INTS10: variants seen among roughly 807,000 people sequenced by gnomAD.
INTS10 encodes integrator complex subunit 10.
Under a neutral mutation model 94.4 loss-of-function variants are expected in INTS10, and 44 were observed. The observed-to-expected ratio is 0.47, with a 90% CI of 0.37 to 0.60. The LOEUF (loss-of-function observed/expected upper bound fraction) is 0.60, where lower values mean the gene tolerates loss of function less well. Ranked by LOEUF, INTS10 falls within the 20% of genes least tolerant of loss-of-function variation. INTS10 has a pLI of 0.00. For missense variants in INTS10, 797 were observed against 868.7 expected (o/e 0.92, Z 1.04); for synonymous variants, 341 against 320.7 (o/e 1.06, Z -0.68).
chr8:19,830,354 T>G, intron 9 of INTS10, 52 bp from the exon 10 acceptor site: 1 of 1,520,230 alleles, frequency 6.6e-7, no homozygotes, highest in Non-Finnish European at 8.9e-7. Flanking sequence ...TGTTTCCATA[T>G]ATGACTATAT....
At chr8:19,823,812 G>C (rs2066579696) in intron 6 of INTS10, 61 bp from the exon 7 acceptor site, 1 of 1,366,892 alleles carries the variant, frequency 7.3e-7, no homozygotes. Context: ...TTCTTTATCA[G>C]GTACCATGTC....
Position 19,833,151 on chromosome 8 carries a change from C to G in INTS10, c.1378-18C>G. Reference sequence around the variant, plus strand: ...AACAGCGATGCTTTTCCCCTCCTTGCTATTCTATCTTTCTTAGGGTCAATA... The same window carrying G: ...AACAGCGATGCTTTTCCCCTCCTTGGTATTCTATCTTTCTTAGGGTCAATA... On this transcript the variant is annotated intron_variant, in intron 11 of 16. Coordinates refer to ENST00000397977, the MANE Select transcript of INTS10 (RefSeq NM_018142.4). 1 of 1,517,546 alleles carries G rather than the reference C, an allele frequency of 6.6e-7. No homozygotes were observed. The highest frequency in any genetic ancestry group is 1.3e-5 in the South Asian group (1 of 78,358). 94.0% of individuals were successfully genotyped at this position (1,517,546 alleles called of 1,614,324 possible). A position where few individuals can be genotyped will look rare whatever the true frequency, so the allele number is the denominator to read the frequency against.
At chr8:19,839,301 C>T (rs562928585) in intron 13 of INTS10, among the ~76,000 whole-genome samples, 7 of 152,296 alleles carry the variant, frequency 4.6e-5, no homozygotes, top group South Asian at 2.1e-4. Context: ...AGGATGTCTG[C>T]CCTCACCACT....
chr8:19,839,629 T>G (rs1462551833), intron 13 of INTS10, among the ~76,000 whole-genome samples: 1 of 151,786 alleles, frequency 6.6e-6, no homozygotes, highest in African/African-American at 2.4e-5. Flanking sequence ...GCCCAGGAGG[T>G]CAAAGCTGTG....
chr8:19,823,293 TC>T lies in INTS10; in HGVS notation c.524-6del. On this transcript the variant is annotated splice_region_variant and splice_polypyrimidine_tract_variant and intron_variant, in intron 5 of 16. Transcript: ENST00000397977. ...ATTAATTTATTTCTTCTTTTTCTCC[TC>T]CAACAGTTTGTGATGTCCTTCCTCT... is the stretch of plus-strand genomic sequence containing the variant. The T allele has an allele frequency of 6.2e-7, 1 of 1,602,758 alleles. No individual in the cohort carries two copies. The highest frequency in any genetic ancestry group is 8.5e-7 in the Non-Finnish European group (1 of 1,170,894).
At chr8:19,841,917 T>G (rs185924509) in intron 13 of INTS10, 18 of 449,692 alleles carry the variant, frequency 4.0e-5, no homozygotes, top group Non-Finnish European at 8.0e-5. Flanking sequence ...AGAGAGACTG[T>G]TATTCCATGC....
At chr8:19,848,600 A>C (rs780116255) in intron 16 of INTS10, among the ~76,000 whole-genome samples, 6 of 151,488 alleles carry the variant, frequency 4.0e-5, no homozygotes, top group Non-Finnish European at 7.4e-5. Flanking sequence ...TGGGTCCCGG[A>C]CTCTTATTTT....
chr8:19,824,137 G>A (rs932846296), intron 7 of INTS10, 93 bp downstream of exon 7: 4 of 1,085,518 alleles, frequency 3.7e-6, no homozygotes, highest in Non-Finnish European at 5.2e-6. Context: ...TAATGCGTAG[G>A]TATAGTTTTT....
At position 19,818,340 on chromosome 8, in the gene INTS10, C is replaced by T; in HGVS notation, c.195C>T (p.Asp65=). Residue 65 remains aspartate, a splice_region_variant and synonymous_variant, in exon 2 of 17, where the codon GAC becomes GAT. Coordinates refer to ENST00000397977, the MANE Select transcript of INTS10 (RefSeq NM_018142.4). ...CCACCGCCGGGAGGCTGCTGTACGA[C>T]ATGTGAGTGGGACGCTTGACATCAC... ...RTATAGRLLY[D]MFVNFPDQPV... The T allele has an allele frequency of 5.6e-6, 9 of 1,614,052 alleles. No individual in the cohort carries two copies. Among genetic ancestry groups the T allele is most frequent in the Non-Finnish European group, 6.8e-6 (8 of 1,179,930 alleles).
Position 19,844,155 on chromosome 8 carries a change from G to A in INTS10, c.1799G>A (p.Gly600Asp). ...IVLLQQEWPRGENLFLKAVNK... is the reference protein window; with the variant it reads ...IVLLQQEWPRDENLFLKAVNK... ...TTGCTTCAGCAAGAGTGGCCACGGGGCGAGAATCTTTTCCTGAAAGCTGTC... is the reference window on the plus strand; with the variant it reads ...TTGCTTCAGCAAGAGTGGCCACGGGACGAGAATCTTTTCCTGAAAGCTGTC... Residue 600 changes from glycine to aspartate, a missense_variant, in exon 15 of 17, where the codon GGC (glycine) becomes GAC (aspartate). Transcript: ENST00000397977. The A allele has an allele frequency of 6.2e-7, 1 of 1,613,928 alleles. No individual in the cohort carries two copies. The highest frequency in any genetic ancestry group is 8.5e-7 in the Non-Finnish European group (1 of 1,179,790).
At chr8:19,830,648 A>G in intron 10 of INTS10, 89 bp downstream of exon 10, 1 of 1,186,758 alleles carries the variant, frequency 8.4e-7, no homozygotes, top group South Asian at 1.4e-5. Flanking sequence ...CGGCAAATTA[A>G]GTTGATTACA....
intron 13 of INTS10, among the ~76,000 whole-genome samples, chr8:19,839,026 T>G (rs993052850): frequency 1.3e-5 from 2 of 151,720 alleles, no homozygotes; most frequent in African/African-American, 4.8e-5. Flanking sequence ...AAGCTGAGAT[T>G]GCGCCACTAC....
At chr8:19,828,069 T>A (rs1027870117) in intron 9 of INTS10, among the ~76,000 whole-genome samples, 4 of 151,020 alleles carry the variant, frequency 2.6e-5, no homozygotes, top group African/African-American at 9.7e-5. Flanking sequence ...AAAAACTAGC[T>A]GGCTGGTGGC....
chr8:19,844,442 T>C (rs2068404225), intron 15 of INTS10, among the ~76,000 whole-genome samples: 1 of 152,236 alleles, frequency 6.6e-6, no homozygotes, highest in African/African-American at 2.4e-5. Flanking sequence ...TTGGGAATCT[T>C]ACAACCCTCT....
Position 19,849,582 on chromosome 8 carries a change from T to C in INTS10, c.1977-2067T>C, listed in dbSNP as rs921497530. Reference sequence around the variant, plus strand: ...GCTTTCGGTCATATATATTTAAGGATGCTGACGTTTATTTTAAGTACATTT... The same window carrying C: ...GCTTTCGGTCATATATATTTAAGGACGCTGACGTTTATTTTAAGTACATTT... On this transcript the variant is annotated intron_variant, in intron 16 of 16. Coordinates refer to ENST00000397977, the MANE Select transcript of INTS10 (RefSeq NM_018142.4). This position sits in a 1 kb window ranked among gnomAD's most constrained non-coding sequence, Gnocchi z 4.6. 6.6e-6 allele frequency among the ~76,000 whole-genome samples: 1 copy of C among 152,214 alleles called. No individual in the cohort carries two copies. The highest frequency in any genetic ancestry group is 2.4e-5 in the African/African-American group (1 of 41,448).
intron 13 of INTS10, among the ~76,000 whole-genome samples, chr8:19,837,774 T>C (rs372935892): frequency 4.6e-5 from 7 of 151,828 alleles, no homozygotes; most frequent in African/African-American, 1.5e-4. Flanking sequence ...CAGAAGTCAA[T>C]GAAATAGAAA....
At chr8:19,836,151 A>G (rs1246970202) in intron 12 of INTS10, among the ~76,000 whole-genome samples, 1 of 152,094 alleles carries the variant, frequency 6.6e-6, no homozygotes, top group Non-Finnish European at 1.5e-5. Flanking sequence ...CAGAACTTAA[A>G]GTACAAAAAT....
chr8:19,818,685 A>T, intron 2 of INTS10: 1 of 325,724 alleles, frequency 3.1e-6, no homozygotes, highest in South Asian at 2.8e-5. Context: ...TTTTGTAGGC[A>T]GTATATCTAT....
chr8:19,818,214 G>A (rs1158638899), intron 1 of INTS10, 61 bp from the exon 2 acceptor site: 1 of 1,533,026 alleles, frequency 6.5e-7, no homozygotes, highest in Non-Finnish European at 9.0e-7. Context: ...GAGCGATGCT[G>A]GATGAGCTGG....
Sources: gnomAD v4.1 joint callset for allele counts (sites outside exome capture counted in the v4.1 genomes callset) on GRCh38, gnomAD v4.1.1 for gene constraint, Gnocchi (gnomAD v3.1) non-coding constraint, MANE v1.5 for transcripts, NCBI Gene and HGNC (gene_info 2026-07-23, HGNC 2026-07-21) for gene names.